The following ENTPD1 variants were observed in gnomAD, a reference collection of about 807,000 sequenced individuals.
ENTPD1 encodes the protein ectonucleoside triphosphate diphosphohydrolase 1, also known as ATP diphosphohydrolase.
Under a neutral mutation model 57.0 loss-of-function variants are expected in ENTPD1, and 33 were observed. The observed-to-expected ratio is 0.58, with a 90% confidence interval of 0.44 to 0.77. The LOEUF (loss-of-function observed/expected upper bound fraction) is 0.77. ENTPD1 is among the 30% of genes least tolerant of loss of function. The probability of loss-of-function intolerance (pLI) is 0.00; values close to 1 mark genes in which losing one functional copy is unlikely to be tolerated. For missense variants in ENTPD1, 501 were observed against 603.4 expected (o/e 0.83, Z 1.78); for synonymous variants, 202 against 218.8 (o/e 0.92, Z 0.68).
chr10:95,725,831 T>C (rs2139838717), intron 1 of ENTPD1, among the ~76,000 whole-genome samples: 1 of 152,366 alleles, frequency 6.6e-6, no homozygotes, highest in East Asian at 1.9e-4. Context: ...TGCTTATATC[T>C]TCTCAGATAA....
intron 1 of ENTPD1, among the ~76,000 whole-genome samples, chr10:95,767,564 A>G (rs1321454606): frequency 6.6e-6 from 1 of 152,032 alleles, no homozygotes; most frequent in African/African-American, 2.4e-5. Context: ...GGATATTAAT[A>G]ATCAAATTCA....
upstream of ENTPD1, among the ~76,000 whole-genome samples, chr10:95,709,964 G>A (rs565305844): frequency 7.1e-4 from 107 of 151,234 alleles, 1 homozygote; most frequent in African/African-American, 2.3e-3. Flanking sequence ...TTAGTAGAGA[G>A]GGTTTCACCA....
chr10:95,768,001 T>A (rs998585116), intron 1 of ENTPD1, among the ~76,000 whole-genome samples: 1 of 152,330 alleles, frequency 6.6e-6, no homozygotes, highest in Admixed American at 6.5e-5. Context: ...TCTCTTGCCC[T>A]TTGCTTTCTG....
chr10:95,767,271 TACCACTGCA>T (rs1170676088), intron 1 of ENTPD1, among the ~76,000 whole-genome samples: 164 of 125,506 alleles, frequency 1.3e-3, no homozygotes, highest in African/African-American at 5.2e-3. Flanking sequence ...GCCGAGATCA[TACCACTGCA>T]CTCCAGCCTG....
chr10:95,732,331 G>A (rs1485143451), intron 1 of ENTPD1, among the ~76,000 whole-genome samples: 1 of 152,104 alleles, frequency 6.6e-6, no homozygotes, highest in East Asian at 1.9e-4. Context: ...CAATTTTTCT[G>A]TAGTGCCAAC....
intron 7 of ENTPD1, 59 bp from the exon 8 acceptor site, chr10:95,860,410 G>C (rs2098463378): frequency 7.1e-7 from 1 of 1,411,658 alleles, no homozygotes; most frequent in East Asian, 2.4e-5. Flanking sequence ...GCCTTTAGGA[G>C]AGCAAGTTGG....
rs2098474957 is a variant in ENTPD1 at position 95,866,735 on chromosome 10, T to C, written c.*352T>C. 2.6e-6 allele frequency: 3 copies of C among 1,152,138 alleles called. No homozygotes were observed. The highest frequency in any genetic ancestry group is 1.9e-5 in the South Asian group (1 of 52,198). 71.4% of individuals were successfully genotyped at this position (1,152,138 alleles called of 1,614,324 possible). Reference sequence around the variant, plus strand: ...GAACTGAGAGTCTTGAGTCCTGTGATAGGAGGCTGAGCTGGCTGAAAGAAG... The same window carrying C: ...GAACTGAGAGTCTTGAGTCCTGTGACAGGAGGCTGAGCTGGCTGAAAGAAG... On this transcript the variant is annotated 3_prime_UTR_variant, in exon 10 of 10. Coordinates refer to ENST00000371205, the MANE Select transcript of ENTPD1 (RefSeq NM_001776.6).
chr10:95,729,520 A>G (rs544402193), intron 1 of ENTPD1, among the ~76,000 whole-genome samples: 7 of 152,338 alleles, frequency 4.6e-5, no homozygotes, highest in Non-Finnish European at 7.4e-5. Context: ...ACAGCTAGAA[A>G]GCTAATTAAA....
In ENTPD1 at chr10:95,869,027, G is replaced by A. The variant is rs1048942637; in HGVS notation, c.*2644G>A. Reference sequence around the variant, plus strand: ...TTGGGCCACTCTGGGTGGGGTAGGTGAAATAAGATTGGTCACTGTTAACTA... The same window carrying A: ...TTGGGCCACTCTGGGTGGGGTAGGTAAAATAAGATTGGTCACTGTTAACTA... On this transcript the variant is annotated 3_prime_UTR_variant, in exon 10 of 10. Coordinates refer to ENST00000371205, the MANE Select transcript of ENTPD1 (RefSeq NM_001776.6). 1 of 985,160 alleles carries A rather than the reference G, an allele frequency of 1.0e-6. No homozygotes were observed. The highest frequency in any genetic ancestry group is 1.7e-5 in the African/African-American group (1 of 57,174). The allele number at this position is 985,160 out of a possible 1,614,324, so 61.0% of individuals were successfully genotyped here. A position where few individuals can be genotyped will look rare whatever the true frequency, so the allele number is the denominator to read the frequency against.
At chr10:95,727,224 GAAGGA>G (rs2097984653) in intron 1 of ENTPD1, among the ~76,000 whole-genome samples, 1 of 152,114 alleles carries the variant, frequency 6.6e-6, no homozygotes, top group Non-Finnish European at 1.5e-5. Flanking sequence ...TATTTGAGGA[GAAGGA>G]AAGGAGAGAC....
chr10:95,755,621 G>T, upstream of ENTPD1: 1 of 1,406,272 alleles, frequency 7.1e-7, no homozygotes, highest in Non-Finnish European at 9.7e-7. Flanking sequence ...ATAACGCAGC[G>T]TCTCCTGCAG....
upstream of ENTPD1, among the ~76,000 whole-genome samples, chr10:95,710,192 G>GTCC (rs2139802297): frequency 6.6e-6 from 1 of 152,084 alleles, no homozygotes; most frequent in Admixed American, 6.6e-5. Context: ...ATCACTTGAG[G>GTCC]TCAGGAGTTC....
chr10:95,694,467 A>G, the ENTPD1 span, among the ~76,000 whole-genome samples: 3 of 151,858 alleles, frequency 2.0e-5, no homozygotes, highest in Non-Finnish European at 4.4e-5. Flanking sequence ...TCAGCTCCTT[A>G]CATTTTAACA....
chr10:95,705,834 C>G, the ENTPD1 span, among the ~76,000 whole-genome samples: 1 of 152,204 alleles, frequency 6.6e-6, no homozygotes. Flanking sequence ...TTTGGCCAGG[C>G]ATGGTGGCTC....
chr10:95,695,458 T>A, the ENTPD1 span, among the ~76,000 whole-genome samples: 1 of 152,250 alleles, frequency 6.6e-6, no homozygotes, highest in East Asian at 1.9e-4. Flanking sequence ...TACAAGTGAA[T>A]CATTTAACTC....
rs1401054491 is a variant in ENTPD1 at position 95,874,078 on chromosome 10, A to C, written c.*7695A>C. On this transcript the variant is annotated 3_prime_UTR_variant, in exon 10 of 10. Coordinates refer to ENST00000371205, the MANE Select transcript of ENTPD1 (RefSeq NM_001776.6). The stretch of plus-strand genomic sequence containing the variant: ...CTCCCTGGGCTCCTCCAAATTTCAT[A>C]ATCCTCACATTTCAAAACCAATCAT... 1.3e-5 allele frequency among the ~76,000 whole-genome samples: 2 copies of C among 152,160 alleles called. No individual in the cohort carries two copies. The highest frequency in any genetic ancestry group is 3.8e-4 in the East Asian group (2 of 5,200).
intron 1 of ENTPD1, among the ~76,000 whole-genome samples, chr10:95,807,393 C>T (rs1379157224): frequency 6.6e-6 from 1 of 152,186 alleles, no homozygotes; most frequent in Non-Finnish European, 1.5e-5. Flanking sequence ...GGGAGTGTCC[C>T]GTTTTCCAGG....
At chr10:95,796,911 T>C (rs1207655027) in intron 1 of ENTPD1, among the ~76,000 whole-genome samples, 1 of 151,902 alleles carries the variant, frequency 6.6e-6, no homozygotes, top group Non-Finnish European at 1.5e-5. Flanking sequence ...AGACCCTGTC[T>C]CTACAAAAAA....
At chr10:95,851,113 T>G (rs1477259485) in intron 7 of ENTPD1, among the ~76,000 whole-genome samples, 1 of 152,204 alleles carries the variant, frequency 6.6e-6, no homozygotes, top group African/African-American at 2.4e-5. Flanking sequence ...AAATTATTTT[T>G]AAAGATCACA....
Sources: gnomAD v4.1 joint callset for allele counts (sites outside exome capture counted in the v4.1 genomes callset) on GRCh38, gnomAD v4.1.1 for gene constraint, MANE v1.5 for transcripts, NCBI Gene and HGNC (gene_info 2026-07-23, HGNC 2026-07-21) for gene names.